RIF1: variants seen among roughly 807,000 people sequenced by gnomAD.
RIF1 encodes the protein telomere-associated protein RIF1.
In RIF1, 45 loss-of-function variants were observed where a neutral mutation model predicts 247.1. The ratio of observed to expected loss-of-function variants is 0.18; its 90% CI spans 0.14 to 0.23. RIF1 has a LOEUF of 0.23. RIF1 is among the 10% of genes least tolerant of loss of function. The pLI, the probability that RIF1 is intolerant of heterozygous loss-of-function variation, is 1.00. For synonymous variants in RIF1, 1,087 were observed against 978.8 expected (o/e 1.11, Z -2.06); for missense variants, 2,967 against 2,862.5 (o/e 1.04, Z -0.83).
intron 12 of RIF1, chr2:151,503,519 T>TG: frequency 1.1e-6 from 1 of 905,226 alleles, no homozygotes; most frequent in South Asian, 1.5e-5. Context: ...GTGGGCTATT[T>TG]GGGGGAAACT....
intron 30 of RIF1, among the ~76,000 whole-genome samples, chr2:151,466,660 T>C (rs1158471476): frequency 6.6e-6 from 1 of 152,252 alleles, no homozygotes; most frequent in Admixed American, 6.5e-5. Flanking sequence ...AAAAGATGGA[T>C]TATCTATATA....
chr2:151,513,730 A>C, the RIF1 span: 1 of 1,352,134 alleles, frequency 7.4e-7, no homozygotes, highest in Non-Finnish European at 1.0e-6. Context: ...AAGGTACCTA[A>C]ATGCTACTAC....
At chr2:151,451,573 G>T in intron 20 of RIF1, 33 bp from the exon 21 acceptor site, 1 of 1,019,774 alleles carries the variant, frequency 9.8e-7, no homozygotes, top group Non-Finnish European at 1.6e-6. Flanking sequence ...CCCAGTACTT[G>T]AATGTTTCTA....
chr2:151,459,432 G>A (rs937431605), intron 25 of RIF1, among the ~76,000 whole-genome samples: 1 of 152,158 alleles, frequency 6.6e-6, no homozygotes, highest in East Asian at 1.9e-4. Flanking sequence ...TTCAGGAGCA[G>A]CTAGGGTATA....
At chr2:151,415,147 A>C (rs1273607199) in intron 4 of RIF1, among the ~76,000 whole-genome samples, 1 of 151,910 alleles carries the variant, frequency 6.6e-6, no homozygotes, top group East Asian at 1.9e-4. Context: ...GGAGATCGAG[A>C]CCATCCTGGC....
intron 12 of RIF1, chr2:151,505,392 T>C: frequency 5.2e-6 from 6 of 1,159,798 alleles, no homozygotes; most frequent in South Asian, 2.6e-5. Flanking sequence ...AAGCTCTTGA[T>C]AGGAAGCAGA....
intron 10 of RIF1, among the ~76,000 whole-genome samples, chr2:151,498,807 AAGTC>A (rs1391137492): frequency 2.6e-5 from 4 of 152,308 alleles, no homozygotes; most frequent in East Asian, 1.9e-4. Context: ...CTTTCAAAAG[AAGTC>A]AGAGTATTTA....
the RIF1 span, chr2:151,526,244 GTTTCTC>G: frequency 1.9e-6 from 3 of 1,611,784 alleles, no homozygotes; most frequent in Non-Finnish European, 2.5e-6. Context: ...TCCTTGACAT[GTTTCTC>G]TTTGTATTTC....
chr2:151,526,874 G>T, the RIF1 span: 1 of 1,325,454 alleles, frequency 7.5e-7, no homozygotes, highest in African/African-American at 1.5e-5. Flanking sequence ...ATGGAAGATG[G>T]CCCTGAGTGA....
chr2:151,495,464 T>C (rs1360008458), intron 10 of RIF1: 1 of 89,488 alleles, frequency 1.1e-5, no homozygotes, highest in Non-Finnish European at 2.6e-5. Context: ...GCTAATGTTT[T>C]AGAAGCACTG....
At chr2:151,531,587 A>C in the RIF1 span, among the ~76,000 whole-genome samples, 2 of 152,182 alleles carry the variant, frequency 1.3e-5, no homozygotes, top group South Asian at 4.1e-4. Context: ...AAAGTGCTGG[A>C]ATTACAGGCA....
rs1299754485 is a variant in RIF1, at chr2:151,480,589, C to T, written c.*5518C>T. ...TTAAAATACATTATTAATACTCCCA[C>T]AAAAGCAGTAAGTTAATAAGTATTT... On this transcript the variant is annotated 3_prime_UTR_variant, in exon 36 of 36. Coordinates refer to ENST00000444746, the MANE Select transcript of RIF1 (RefSeq NM_018151.5). 1 of 152,084 alleles carries T rather than the reference C, an allele frequency of 6.6e-6. No individual in the cohort carries two copies. The highest frequency in any genetic ancestry group is 2.4e-5 in the African/African-American group (1 of 41,418). The allele number at this position is 152,084 out of a possible 1,614,324, so 9.4% of individuals were successfully genotyped here. A position where few individuals can be genotyped will look rare whatever the true frequency, so the allele number is the denominator to read the frequency against.
intron 34 of RIF1, among the ~76,000 whole-genome samples, chr2:151,472,180 T>C (rs1223481335): frequency 1.3e-5 from 2 of 152,162 alleles, no homozygotes; most frequent in South Asian, 2.1e-4. Flanking sequence ...TTGTCTGTTA[T>C]TGATGTATAT....
chr2:151,425,105 T>C (rs1688812051), intron 8 of RIF1, among the ~76,000 whole-genome samples: 1 of 152,024 alleles, frequency 6.6e-6, no homozygotes, highest in Non-Finnish European at 1.5e-5. Flanking sequence ...TCCTAGTGAA[T>C]GTGAAGTGGG....
the RIF1 span, among the ~76,000 whole-genome samples, chr2:151,526,607 C>T: frequency 1.3e-5 from 2 of 152,132 alleles, no homozygotes; most frequent in Admixed American, 1.3e-4. Context: ...AAAGTATGAT[C>T]CCATAGAAAA....
chr2:151,446,605 G>C (rs771134790), intron 20 of RIF1, 30 bp downstream of exon 20: 11 of 1,596,242 alleles, frequency 6.9e-6, no homozygotes, highest in Non-Finnish European at 8.5e-6. Flanking sequence ...ACCTTTTTTT[G>C]TTTGTTTTTA....
intron 6 of RIF1, among the ~76,000 whole-genome samples, 166 bp downstream of exon 6, chr2:151,417,067 T>C (rs74733113): frequency 6.6e-6 from 1 of 152,304 alleles, no homozygotes; most frequent in African/African-American, 2.4e-5. Context: ...GAAGTAGATA[T>C]GTGTGGGTTA....
At position 151,428,807 on chromosome 2, in the gene RIF1, C is replaced by G; in HGVS notation, c.810C>G (p.Phe270Leu). The change falls in exon 9 of 36, where the codon TTC (phenylalanine) becomes TTG (leucine). Residue 270 changes from phenylalanine (F) to leucine (L), a missense_variant. Coordinates refer to ENST00000444746, the MANE Select transcript of RIF1 (RefSeq NM_018151.5). ...AGACCTTGCATCGAAGTGGGAGTTT[C>G]ATCAATTCTCTCTTGCAACTAGAAG... is the stretch of plus-strand genomic sequence containing the variant. Reference protein sequence around the residue: ...LGRTLHRSGSFINSLLQLEEL... With the variant: ...LGRTLHRSGSLINSLLQLEEL... 6.2e-7 allele frequency: 1 copy of G among 1,604,190 alleles called. No homozygotes were observed. The highest frequency in any genetic ancestry group is 2.2e-5 in the East Asian group (1 of 44,708).
Position 151,443,588 on chromosome 2 carries a change from T to A in RIF1, c.1865T>A (p.Leu622Gln). ...GTTCTTTCTGGTCCAACTTCACCAC[T>A]AGCTTTCAGTGACTCAGTTTTAAAT... is the stretch of plus-strand genomic sequence containing the variant. ...GCVLSGPTSP[L>Q]AFSDSVLNVI... Residue 622 changes from leucine to glutamine, a missense_variant, in exon 18 of 36, where the codon CTA (leucine) becomes CAA (glutamine). This residue lies in a region of RIF1 where 369 missense variants were observed against 322.0 expected (regional missense o/e 1.15). Transcript: ENST00000444746. The A allele has an allele frequency of 6.2e-7, 1 of 1,612,128 alleles. No homozygotes were observed. Among genetic ancestry groups the A allele is most frequent in the East Asian group, 2.2e-5 (1 of 44,774 alleles).
Sources: gnomAD v4.1 joint callset for allele counts (sites outside exome capture counted in the v4.1 genomes callset) on GRCh38, gnomAD v4.1.1 for gene constraint, gnomAD v4.1.1 regional missense constraint, MANE v1.5 for transcripts, NCBI Gene and HGNC (gene_info 2026-07-23, HGNC 2026-07-21) for gene names.